The following MECOM variants were observed in gnomAD, a reference collection of about 807,000 sequenced individuals.
MECOM encodes the protein MDS1 and EVI1 complex locus, also known as histone-lysine N-methyltransferase MECOM.
Under a neutral mutation model 116.3 loss-of-function variants are expected in MECOM, and 13 were observed. The ratio of observed to expected loss-of-function variants is 0.11; its 90% CI spans 0.07 to 0.18. The LOEUF is 0.18. MECOM is among the 10% of genes least tolerant of loss of function. MECOM has a pLI of 1.00. For synonymous variants in MECOM, 528 were observed against 535.2 expected (o/e 0.99, Z 0.19); for missense variants, 1,299 against 1,509.0 (o/e 0.86, Z 2.31).
At chr3:169,411,238 AT>A (rs1341475718) in intron 1 of MECOM, among the ~76,000 whole-genome samples, 1 of 152,162 alleles carries the variant, frequency 6.6e-6, no homozygotes, top group East Asian at 1.9e-4. Context: ...AGAAAAAAAA[AT>A]GTTTGGCAAA....
At chr3:169,541,806 C>T in intron 1 of MECOM, among the ~76,000 whole-genome samples, 1 of 152,198 alleles carries the variant, frequency 6.6e-6, no homozygotes, top group East Asian at 1.9e-4. Flanking sequence ...TGCAAAGACT[C>T]ACAGAACTGC....
At chr3:169,473,500 G>A (rs1011775811) in intron 1 of MECOM, among the ~76,000 whole-genome samples, 2 of 152,214 alleles carry the variant, frequency 1.3e-5, no homozygotes, top group Admixed American at 1.3e-4. Context: ...GCAGGGCGTG[G>A]TGGCTCATGC....
At chr3:169,583,376 C>T (rs1234069032) in intron 1 of MECOM, among the ~76,000 whole-genome samples, 1 of 152,176 alleles carries the variant, frequency 6.6e-6, no homozygotes, top group Admixed American at 6.5e-5. Flanking sequence ...CGCATTGCAT[C>T]TGTTGGGGTT....
At chr3:169,216,290 CT>C (rs1437610853) in intron 2 of MECOM, among the ~76,000 whole-genome samples, 3 of 152,162 alleles carry the variant, frequency 2.0e-5, no homozygotes, top group Non-Finnish European at 2.9e-5. Context: ...ATCTAAACTA[CT>C]TTTTTTCTCA....
chr3:169,626,795 C>T (rs1457005418), intron 1 of MECOM, among the ~76,000 whole-genome samples: 1 of 152,108 alleles, frequency 6.6e-6, no homozygotes, highest in Admixed American at 6.5e-5. Flanking sequence ...CTTGACAATT[C>T]CATGTGAATT....
At chr3:169,109,667 C>T (rs945514557) in intron 9 of MECOM, among the ~76,000 whole-genome samples, 8 of 152,188 alleles carry the variant, frequency 5.3e-5, no homozygotes, top group South Asian at 2.1e-4. Context: ...CCGCCCGCCT[C>T]GGCCTCCCAA....
Position 169,284,334 on chromosome 3 carries a change from G to A in MECOM, c.375+96853C>T, listed in dbSNP as rs543417109. Among the ~76,000 whole-genome samples the A allele has an allele frequency of 2.5e-4, 38 of 152,240 alleles. No individual in the cohort carries two copies. The East Asian group carries it at 2.7e-3, about 11-fold the overall frequency. On this transcript the variant is annotated intron_variant, in intron 2 of 16. Coordinates refer to ENST00000651503, the MANE Select transcript of MECOM (RefSeq NM_004991.4). ...CTTCGTGGTCTTGGGAATCCTGAGC[G>A]TTGAGATTAGGATCCCTGATCACTC...
chr3:169,097,385 T>C (rs888677948), intron 12 of MECOM, among the ~76,000 whole-genome samples: 3 of 152,114 alleles, frequency 2.0e-5, no homozygotes, highest in Non-Finnish European at 4.4e-5. Context: ...TTCTACACAA[T>C]TCCAATAAGA....
At chr3:169,561,859 A>G in intron 1 of MECOM, among the ~76,000 whole-genome samples, 1 of 152,132 alleles carries the variant, frequency 6.6e-6, no homozygotes, top group Non-Finnish European at 1.5e-5. Flanking sequence ...AACAATGAGC[A>G]CCTAGGCTGG....
intron 1 of MECOM, among the ~76,000 whole-genome samples, chr3:169,459,126 A>G (rs1289406312): frequency 1.3e-5 from 2 of 152,210 alleles, no homozygotes; most frequent in East Asian, 1.9e-4. Flanking sequence ...TGCTCATTTC[A>G]TGCTTACTGA....
intron 1 of MECOM, among the ~76,000 whole-genome samples, chr3:169,598,898 A>G (rs1036128391): frequency 6.6e-6 from 1 of 152,182 alleles, no homozygotes; most frequent in Non-Finnish European, 1.5e-5. Context: ...GAAAGAGAAG[A>G]GAGAAACTTT....
rs1198685850 is a variant in MECOM, at chr3:169,378,450, AAGGAAAGC to A, written c.375+2729_375+2736del. Among the ~76,000 whole-genome samples, 387 of 54,108 alleles carry A rather than the reference AAGGAAAGC, an allele frequency of 7.2e-3. 42 individuals are homozygous for A. The highest frequency in any genetic ancestry group is 0.021 in the Middle Eastern group (3 of 144). 35.5% of individuals were successfully genotyped at this position (54,108 alleles called of 152,430 possible). On this transcript the variant is annotated intron_variant, in intron 2 of 16. Coordinates refer to ENST00000651503, the MANE Select transcript of MECOM (RefSeq NM_004991.4). ...GAAAGAAAGAAAGAAAGAAAGAAAG[AAGGAAAGC>A]AAGCAAGCAAGCAAGCAAGAAAGAG... is the stretch of plus-strand genomic sequence containing the variant.
intron 1 of MECOM, among the ~76,000 whole-genome samples, chr3:169,411,108 A>G (rs1387893002): frequency 6.6e-6 from 1 of 152,170 alleles, no homozygotes; most frequent in Non-Finnish European, 1.5e-5. Flanking sequence ...TATGCTAACA[A>G]ATGTGGAAAG....
chr3:169,531,795 T>A (rs1758660419), intron 1 of MECOM, among the ~76,000 whole-genome samples: 1 of 152,214 alleles, frequency 6.6e-6, no homozygotes, highest in Non-Finnish European at 1.5e-5. Context: ...TTAATCTACT[T>A]CTGAAGAAGG....
At chr3:169,503,655 T>A (rs1368761443) in intron 1 of MECOM, among the ~76,000 whole-genome samples, 3 of 152,300 alleles carry the variant, frequency 2.0e-5, no homozygotes, top group African/African-American at 4.8e-5. Context: ...TGGATGTACA[T>A]CTCAAACTCA....
At chr3:169,231,572 C>T (rs1454543248) in intron 2 of MECOM, among the ~76,000 whole-genome samples, 1 of 152,018 alleles carries the variant, frequency 6.6e-6, no homozygotes. Context: ...CAGCTGTAGT[C>T]AGAGAAGTCC....
chr3:169,155,572 A>G (rs73167989), intron 2 of MECOM, among the ~76,000 whole-genome samples: 10,825 of 152,004 alleles, frequency 0.071, 500 homozygotes, highest in South Asian at 0.19. Context: ...TGCTTTACCT[A>G]AAAACAAAAG....
At chr3:169,596,465 C>T (rs1318742409) in intron 1 of MECOM, among the ~76,000 whole-genome samples, 9 of 152,158 alleles carry the variant, frequency 5.9e-5, no homozygotes, top group Admixed American at 5.9e-4. Context: ...TGCATCTCTA[C>T]CTGAAAAACT....
chr3:169,646,931 G>GA (rs1361854623), intron 1 of MECOM, among the ~76,000 whole-genome samples: 1 of 152,144 alleles, frequency 6.6e-6, no homozygotes, highest in East Asian at 1.9e-4. Context: ...ACTTGAGGAA[G>GA]AAAATGAAAG....
Sources: allele counts gnomAD v4.1 joint callset (sites outside exome capture counted in the v4.1 genomes callset), GRCh38; gene constraint gnomAD v4.1.1; transcripts MANE v1.5; gene names NCBI Gene and HGNC (gene_info 2026-07-23, HGNC 2026-07-21).